RNGTT: variants seen among roughly 807,000 people sequenced by gnomAD.
The protein encoded by RNGTT is RNA guanylyltransferase and 5'-phosphatase.
Under a neutral mutation model 79.3 loss-of-function variants are expected in RNGTT, and 33 were observed. The observed-to-expected ratio is 0.42, with a 90% CI of 0.32 to 0.56. The LOEUF (loss-of-function observed/expected upper bound fraction) is 0.56. RNGTT is among the 20% of genes least tolerant of loss of function. The probability of loss-of-function intolerance (pLI) is 0.17; values close to 1 mark genes in which losing one functional copy is unlikely to be tolerated. For synonymous variants in RNGTT, 222 were observed against 235.9 expected (o/e 0.94, Z 0.54); for missense variants, 497 against 739.1 (o/e 0.67, Z 3.80).
chr6:88,807,653 C>T (rs972151454), intron 11 of RNGTT, among the ~76,000 whole-genome samples: 2 of 151,912 alleles, frequency 1.3e-5, no homozygotes, highest in Non-Finnish European at 2.9e-5. Flanking sequence ...GCAAAGAAAC[C>T]AACTGAGAGA....
intron 12 of RNGTT, among the ~76,000 whole-genome samples, chr6:88,786,745 G>A (rs1779241100): frequency 6.6e-6 from 1 of 152,076 alleles, no homozygotes; most frequent in Non-Finnish European, 1.5e-5. Flanking sequence ...TCAAGTATAG[G>A]TTACATTTCA....
At chr6:88,846,199 G>C (rs1781476693) in intron 10 of RNGTT, among the ~76,000 whole-genome samples, 1 of 152,084 alleles carries the variant, frequency 6.6e-6, no homozygotes, top group Non-Finnish European at 1.5e-5. Flanking sequence ...GAGACTACAG[G>C]AAACACTCAA....
intron 13 of RNGTT, 36 bp from the exon 14 acceptor site, chr6:88,678,455 C>T: frequency 7.7e-7 from 1 of 1,305,728 alleles, no homozygotes; most frequent in Non-Finnish European, 1.0e-6. Context: ...ATAAAATACT[C>T]CTTCTTATAA....
At chr6:88,849,600 G>T (rs1781601872) in intron 10 of RNGTT, among the ~76,000 whole-genome samples, 155 bp downstream of exon 10, 2 of 151,704 alleles carry the variant, frequency 1.3e-5, no homozygotes, top group Admixed American at 6.6e-5. Context: ...AGAAAGAAAA[G>T]GAGATATAAA....
At chr6:88,797,941 C>CAAAAAAAA (rs143559265) in intron 12 of RNGTT, among the ~76,000 whole-genome samples, 1 of 65,810 alleles carries the variant, frequency 1.5e-5, no homozygotes, top group East Asian at 4.6e-4. Flanking sequence ...AAGCAAAAGC[C>CAAAAAAAA]AAAAAAAAAA....
intron 13 of RNGTT, among the ~76,000 whole-genome samples, chr6:88,765,110 T>A (rs987687847): frequency 1.3e-5 from 2 of 150,380 alleles, no homozygotes; most frequent in African/African-American, 4.9e-5. Flanking sequence ...GAGAATGGCC[T>A]GAACCCAGGA....
chr6:88,940,317 G>A (rs550116626), intron 2 of RNGTT, among the ~76,000 whole-genome samples: 21 of 151,714 alleles, frequency 1.4e-4, no homozygotes, highest in African/African-American at 4.6e-4. Flanking sequence ...ATCCTCAAGT[G>A]ATCCACCTGC....
chr6:88,809,038 A>C (rs1780051261), intron 11 of RNGTT, among the ~76,000 whole-genome samples: 1 of 152,164 alleles, frequency 6.6e-6, no homozygotes, highest in Non-Finnish European at 1.5e-5. Context: ...TATAAAGTAC[A>C]GAGATGGAAA....
At chr6:88,739,768 T>TATATATATATGTTAACAC (rs1777419284) in intron 13 of RNGTT, among the ~76,000 whole-genome samples, 1 of 64,380 alleles carries the variant, frequency 1.6e-5, no homozygotes, top group Non-Finnish European at 4.0e-5. Flanking sequence ...TATATATATA[T>TATATATATATGTTAACAC]ATATATATAT....
chr6:88,820,199 C>T (rs956918568), intron 11 of RNGTT, among the ~76,000 whole-genome samples: 1 of 152,034 alleles, frequency 6.6e-6, no homozygotes, highest in African/African-American at 2.4e-5. Context: ...CAATATATTA[C>T]TGATGATGAT....
At chr6:88,623,375 C>G (rs76097738) in intron 14 of RNGTT, among the ~76,000 whole-genome samples, 4,570 of 152,090 alleles carry the variant, frequency 0.03, 234 homozygotes, top group African/African-American at 0.1. Flanking sequence ...CAAAACTCAA[C>G]TTTTCACCTG....
intron 12 of RNGTT, among the ~76,000 whole-genome samples, chr6:88,797,735 T>G (rs1562258063): frequency 6.6e-6 from 1 of 151,938 alleles, no homozygotes; most frequent in African/African-American, 2.4e-5. Context: ...TATGTCACCA[T>G]AAAAATATAA....
chr6:88,959,161 G>C (rs532902765), intron 1 of RNGTT, among the ~76,000 whole-genome samples: 1 of 151,802 alleles, frequency 6.6e-6, no homozygotes, highest in South Asian at 2.1e-4. Context: ...TAAGCTATGA[G>C]AATGCAAAGA....
At chr6:88,856,734 G>A (rs569867554) in intron 8 of RNGTT, among the ~76,000 whole-genome samples, 1 of 152,112 alleles carries the variant, frequency 6.6e-6, no homozygotes, top group African/African-American at 2.4e-5. Context: ...CTTTTGTTAT[G>A]CGATACTAAC....
At chr6:88,932,280 C>A (rs373411561) in intron 2 of RNGTT, among the ~76,000 whole-genome samples, 2 of 152,098 alleles carry the variant, frequency 1.3e-5, no homozygotes, top group Admixed American at 6.5e-5. Flanking sequence ...CTAGTCAGAC[C>A]GGTTCTCTGC....
intron 11 of RNGTT, among the ~76,000 whole-genome samples, chr6:88,840,109 A>G (rs1781219848): frequency 1.3e-5 from 2 of 152,180 alleles, no homozygotes; most frequent in Admixed American, 1.3e-4. Context: ...AAAATAAATG[A>G]TCTATACTTC....
chr6:88,928,458 T>C (rs977736801), intron 4 of RNGTT, among the ~76,000 whole-genome samples: 1 of 152,154 alleles, frequency 6.6e-6, no homozygotes, highest in African/African-American at 2.4e-5. Flanking sequence ...GAGCAGGATG[T>C]TTTTTTCTAT....
At chr6:88,955,096 A>G (rs1785382444) in intron 1 of RNGTT, among the ~76,000 whole-genome samples, 1 of 152,104 alleles carries the variant, frequency 6.6e-6, no homozygotes, top group Admixed American at 6.6e-5. Flanking sequence ...CTATACAAAT[A>G]CATGGAAATT....
intron 1 of RNGTT, among the ~76,000 whole-genome samples, chr6:88,961,860 G>A (rs1360767775): frequency 6.6e-6 from 1 of 152,158 alleles, no homozygotes; most frequent in African/African-American, 2.4e-5. Flanking sequence ...AATGTTCACA[G>A]CAGGTTTATT....
Sources: allele counts gnomAD v4.1 joint callset (sites outside exome capture counted in the v4.1 genomes callset), GRCh38; gene constraint gnomAD v4.1.1; transcripts MANE v1.5; gene names NCBI Gene and HGNC (gene_info 2026-07-23, HGNC 2026-07-21).